The following CEP128 variants were observed in gnomAD, a reference collection of about 807,000 sequenced individuals.
CEP128 encodes the protein centrosomal protein 128.
Under a neutral mutation model 156.7 loss-of-function variants are expected in CEP128, and 132 were observed. The observed-to-expected ratio is 0.84, with a 90% CI of 0.73 to 0.97. The LOEUF (loss-of-function observed/expected upper bound fraction) is 0.97. Among genes scored for constraint, CEP128 ranks in the 50% least tolerant of loss-of-function variants. The pLI is 0.00. For synonymous variants in CEP128, 469 were observed against 448.9 expected (o/e 1.04, Z -0.57); for missense variants, 1,252 against 1,281.9 (o/e 0.98, Z 0.36).
downstream of CEP128, among the ~76,000 whole-genome samples, chr14:80,494,169 T>G (rs573194650): frequency 6.6e-6 from 1 of 152,348 alleles, no homozygotes; most frequent in South Asian, 2.1e-4. Context: ...TATCAAATTT[T>G]GGTGCATGAA....
intron 20 of CEP128, among the ~76,000 whole-genome samples, chr14:80,574,512 T>C (rs575381209): frequency 6.6e-6 from 1 of 152,334 alleles, no homozygotes; most frequent in African/African-American, 2.4e-5. Context: ...GTTCATGTAC[T>C]ATCTTGCCAG....
intron 19 of CEP128, among the ~76,000 whole-genome samples, chr14:80,740,866 A>G (rs78364445): frequency 6.6e-6 from 1 of 152,258 alleles, no homozygotes; most frequent in African/African-American, 2.4e-5. Flanking sequence ...CGCTGCTGGG[A>G]ATGACTATTT....
At chr14:80,957,470 A>C (rs566078646) in intron 2 of CEP128, among the ~76,000 whole-genome samples, 46 of 152,292 alleles carry the variant, frequency 3.0e-4, no homozygotes, top group East Asian at 1.2e-3. Context: ...AAAAAACAAA[A>C]AAAAAAAAAC....
intron 8 of CEP128, among the ~76,000 whole-genome samples, chr14:80,878,208 A>T (rs1888373559): frequency 6.6e-6 from 1 of 152,066 alleles, no homozygotes; most frequent in Non-Finnish European, 1.5e-5. Flanking sequence ...GGCTCTACTG[A>T]CTCACGTAGC....
intron 8 of CEP128, among the ~76,000 whole-genome samples, 187 bp downstream of exon 8, chr14:80,895,525 CTAAATA>C (rs1889303759): frequency 6.6e-6 from 1 of 151,658 alleles, no homozygotes; most frequent in Admixed American, 6.6e-5. Context: ...ATAAATATAC[CTAAATA>C]TAAATATACC....
chr14:80,520,157 A>C (rs1024411411), intron 23 of CEP128, among the ~76,000 whole-genome samples: 1 of 152,182 alleles, frequency 6.6e-6, no homozygotes, highest in Non-Finnish European at 1.5e-5. Flanking sequence ...AGTGGCTCAC[A>C]CCTGTAATCC....
At chr14:80,526,760 T>C in intron 23 of CEP128, 109 bp downstream of exon 23, 2 of 556,174 alleles carry the variant, frequency 3.6e-6, no homozygotes, top group East Asian at 5.7e-5. Context: ...AAGGAAAATA[T>C]TTTCTTTCAC....
At chr14:80,498,750 C>T (rs1245830598) in intron 24 of CEP128, among the ~76,000 whole-genome samples, 1 of 152,162 alleles carries the variant, frequency 6.6e-6, no homozygotes, top group African/African-American at 2.4e-5. Context: ...TTTACTTGCT[C>T]GCTACTTGTT....
intron 13 of CEP128, among the ~76,000 whole-genome samples, chr14:80,799,369 C>T (rs888950495): frequency 1.3e-5 from 2 of 152,110 alleles, no homozygotes; most frequent in African/African-American, 4.8e-5. Flanking sequence ...ACCTCAGGAC[C>T]ACTGTGATAA....
Position 80,800,995 on chromosome 14 carries a change from G to C in CEP128, c.1210-7885C>G, listed in dbSNP as rs150217561. On this transcript the variant is annotated intron_variant, in intron 13 of 24. Transcript: ENST00000555265. ...GAAAAGATTGGGTCACTTATGGAAAGGAAACGAACATTCACTACCAAAAAA... is the reference window on the plus strand; with the variant it reads ...GAAAAGATTGGGTCACTTATGGAAACGAAACGAACATTCACTACCAAAAAA... Among the ~76,000 whole-genome samples, 98 of 152,286 alleles carry C rather than the reference G, an allele frequency of 6.4e-4. 1 individual carries two copies. The highest frequency in any genetic ancestry group is 3.4e-3 in the Middle Eastern group (1 of 294).
At chr14:80,513,502 T>C (rs548201092) in intron 23 of CEP128, among the ~76,000 whole-genome samples, 50 of 152,212 alleles carry the variant, frequency 3.3e-4, no homozygotes, top group Non-Finnish European at 5.4e-4. Context: ...AATATTTATA[T>C]CTTTCGGTAG....
chr14:80,867,285 C>G (rs1887812763), intron 8 of CEP128, among the ~76,000 whole-genome samples: 1 of 152,168 alleles, frequency 6.6e-6, no homozygotes, highest in Admixed American at 6.5e-5. Context: ...AGGGATGATT[C>G]ATGTGCCAAG....
At position 80,667,117 on chromosome 14, in the gene CEP128, C is replaced by T. The variant is rs117859250; in HGVS notation, c.2806+75958G>A. 3.4e-3 allele frequency among the ~76,000 whole-genome samples: 520 copies of T among 152,290 alleles called. 18 individuals carry two copies. In the East Asian group the frequency reaches 0.077, roughly 22 times the overall value. On this transcript the variant is annotated intron_variant, in intron 19 of 24. Transcript: ENST00000555265. ...CTGACGCAGTGGACAGGGCTTTCAG[C>T]TCCCACAAGATATGGAGACCCAAAA...
chr14:80,612,303 T>A (rs181086519), intron 19 of CEP128, among the ~76,000 whole-genome samples: 1 of 151,984 alleles, frequency 6.6e-6, no homozygotes, highest in East Asian at 1.9e-4. Flanking sequence ...GTAAAAGGGG[T>A]GAAAGAGAAA....
intron 19 of CEP128, among the ~76,000 whole-genome samples, chr14:80,694,604 A>T (rs1005612915): frequency 2.0e-5 from 3 of 152,174 alleles, no homozygotes; most frequent in African/African-American, 7.2e-5. Flanking sequence ...TTTCAGGGAC[A>T]TGGATGGAGC....
At chr14:80,586,106 G>T (rs1891810602) in intron 19 of CEP128, among the ~76,000 whole-genome samples, 1 of 151,658 alleles carries the variant, frequency 6.6e-6, no homozygotes, top group Admixed American at 6.6e-5. Context: ...TAATCCTAGG[G>T]TTGCTTTTTT....
At chr14:80,958,994 A>G (rs1370858479) in intron 1 of CEP128, among the ~76,000 whole-genome samples, 1 of 152,238 alleles carries the variant, frequency 6.6e-6, no homozygotes, top group East Asian at 1.9e-4. Context: ...GGTGCCGAGA[A>G]CAACTCTTTC....
chr14:80,501,609 A>G (rs1417721228), intron 24 of CEP128, among the ~76,000 whole-genome samples: 2 of 151,224 alleles, frequency 1.3e-5, no homozygotes. Context: ...GGTTCAAGCG[A>G]TTCTTTTGCC....
intron 19 of CEP128, among the ~76,000 whole-genome samples, chr14:80,595,757 T>C (rs1434989608): frequency 6.6e-6 from 1 of 152,202 alleles, no homozygotes; most frequent in Non-Finnish European, 1.5e-5. Context: ...GAAAGAGGTT[T>C]AATGAACTCA....
Sources: allele counts gnomAD v4.1 joint callset (sites outside exome capture counted in the v4.1 genomes callset), GRCh38; gene constraint gnomAD v4.1.1; transcripts MANE v1.5; gene names NCBI Gene and HGNC (gene_info 2026-07-23, HGNC 2026-07-21).